The following MTA3 variants were observed in gnomAD, a reference collection of about 807,000 sequenced individuals.
The protein encoded by MTA3 is metastasis associated 1 family member 3.
Under a neutral mutation model 83.5 loss-of-function variants are expected in MTA3, and 34 were observed. That is an observed-to-expected ratio of 0.41 (90% confidence interval 0.31 to 0.54). MTA3 has a LOEUF of 0.54. MTA3 is among the 20% of genes least tolerant of loss of function. The pLI, the probability that MTA3 is intolerant of heterozygous loss-of-function variation, is 0.33. For missense variants in MTA3, 761 were observed against 726.4 expected (o/e 1.05, Z -0.55); for synonymous variants, 303 against 252.7 (o/e 1.20, Z -1.89).
At chr2:42,543,954 G>C (rs1002570101) in intron 2 of MTA3, among the ~76,000 whole-genome samples, 5 of 152,044 alleles carry the variant, frequency 3.3e-5, no homozygotes, top group Non-Finnish European at 7.4e-5. Flanking sequence ...GAAACAGGAA[G>C]ATAGCCGAGC....
intron 2 of MTA3, among the ~76,000 whole-genome samples, chr2:42,522,343 T>C (rs1164969803): frequency 1.3e-5 from 2 of 152,044 alleles, no homozygotes; most frequent in South Asian, 2.1e-4. Flanking sequence ...CCTGGGAGGG[T>C]AGGGGCAGGT....
intron 2 of MTA3, among the ~76,000 whole-genome samples, chr2:42,524,474 T>G (rs368369175): frequency 1.3e-3 from 128 of 96,874 alleles, no homozygotes; most frequent in Non-Finnish European, 1.9e-3. Flanking sequence ...CTAGTTGTGT[T>G]TTTTTTTTTT....
At chr2:42,710,318 C>G (rs1553392793) in intron 14 of MTA3, among the ~76,000 whole-genome samples, 1 of 151,868 alleles carries the variant, frequency 6.6e-6, no homozygotes, top group African/African-American at 2.4e-5. Flanking sequence ...TTTGGGAGGC[C>G]GAGGTGGGTG....
intron 2 of MTA3, among the ~76,000 whole-genome samples, chr2:42,550,899 G>T (rs1027884355): frequency 6.6e-6 from 1 of 151,626 alleles, no homozygotes; most frequent in Non-Finnish European, 1.5e-5. Context: ...AAAATTAGCC[G>T]GGCATGGTGG....
intron 2 of MTA3, among the ~76,000 whole-genome samples, chr2:42,516,081 A>AT (rs1014103316): frequency 1.3e-5 from 2 of 150,896 alleles, no homozygotes; most frequent in African/African-American, 4.9e-5. Context: ...CGCCCAGCTG[A>AT]TTTTTTTGTA....
At chr2:42,725,252 T>C (rs1260224163) in intron 16 of MTA3, among the ~76,000 whole-genome samples, 1 of 152,222 alleles carries the variant, frequency 6.6e-6, no homozygotes, top group Non-Finnish European at 1.5e-5. Context: ...GTTGTATAAA[T>C]GAAGGTGATT....
In MTA3 at chr2:42,695,752, T is replaced by G; in HGVS notation, c.892-13T>G. 1 of 1,522,800 alleles carries G rather than the reference T, an allele frequency of 6.6e-7. No homozygotes were observed. The highest frequency in any genetic ancestry group is 1.3e-5 in the South Asian group (1 of 79,970). The allele number at this position is 1,522,800 out of a possible 1,614,324, so 94.3% of individuals were successfully genotyped here. A position where few individuals can be genotyped will look rare whatever the true frequency, so the allele number is the denominator to read the frequency against. On this transcript the variant is annotated splice_polypyrimidine_tract_variant and intron_variant, in intron 9 of 16. Coordinates refer to ENST00000405094, the MANE Select transcript of MTA3 (RefSeq NM_001330442.2). ...GTTAACATAGATGATAGGTTGATTTTTTTTTTTTTCAGCTTCCTTGGAAAT... is the reference window on the plus strand; with the variant it reads ...GTTAACATAGATGATAGGTTGATTTGTTTTTTTTTCAGCTTCCTTGGAAAT...
At chr2:42,521,075 G>A (rs1274603096) in intron 2 of MTA3, among the ~76,000 whole-genome samples, 2 of 152,198 alleles carry the variant, frequency 1.3e-5, no homozygotes, top group African/African-American at 4.8e-5. Context: ...CCCTTGAGTG[G>A]GGATTGGACC....
At chr2:42,592,500 C>T (rs1416082556) in intron 3 of MTA3, among the ~76,000 whole-genome samples, 1 of 152,054 alleles carries the variant, frequency 6.6e-6, no homozygotes, top group East Asian at 1.9e-4. Flanking sequence ...AGGAGTATTG[C>T]TTGAGCCTGG....
At chr2:42,702,446 T>G (rs766607870) in intron 11 of MTA3, 5 of 152,174 alleles carry the variant, frequency 3.3e-5, no homozygotes, top group Admixed American at 2.0e-4. Flanking sequence ...CCAGACCAAC[T>G]TTACAAACCA....
chr2:42,606,343 C>A (rs1273852417), intron 3 of MTA3, among the ~76,000 whole-genome samples: 2 of 137,442 alleles, frequency 1.5e-5, no homozygotes, highest in Non-Finnish European at 3.1e-5. Context: ...ACCTCTCAGA[C>A]GGGGCAGCTG....
At chr2:42,570,846 AC>A (rs1348343915) in intron 2 of MTA3, among the ~76,000 whole-genome samples, 2 of 151,904 alleles carry the variant, frequency 1.3e-5, no homozygotes, top group African/African-American at 4.8e-5. Flanking sequence ...CCCCGTCTGT[AC>A]TAAAAATACA....
chr2:42,598,226 C>T (rs1682083994), intron 3 of MTA3, among the ~76,000 whole-genome samples: 1 of 152,044 alleles, frequency 6.6e-6, no homozygotes, highest in South Asian at 2.1e-4. Flanking sequence ...CCACCACACC[C>T]AGCTAATTTT....
chr2:42,647,174 A>AAAAAAAAC (rs1688290405), intron 6 of MTA3, among the ~76,000 whole-genome samples: 1 of 151,012 alleles, frequency 6.6e-6, no homozygotes, highest in South Asian at 2.1e-4. Flanking sequence ...AAAACAAAAA[A>AAAAAAAAC]GAAAGGAAGT....
chr2:42,749,239 C>T (rs561538066), intron 16 of MTA3, among the ~76,000 whole-genome samples: 3 of 152,326 alleles, frequency 2.0e-5, no homozygotes, highest in African/African-American at 7.2e-5. Flanking sequence ...CTGCCTCAAG[C>T]TCTGACCTCT....
At chr2:42,555,485 G>A (rs559640116) in intron 2 of MTA3, among the ~76,000 whole-genome samples, 1 of 149,138 alleles carries the variant, frequency 6.7e-6, no homozygotes, top group South Asian at 2.2e-4. Context: ...AAAGAGCCGG[G>A]CGCAGTGGCT....
Position 42,542,501 on chromosome 2 carries a change from G to C in MTA3, c.-140-27936G>C, listed in dbSNP as rs1309216171. ...ACCGTCACACGTACACCCCTTGTTA[G>C]CTTAAACCCTTACACATCTCCTGAA... is the stretch of plus-strand genomic sequence containing the variant. On this transcript the variant is annotated intron_variant, in intron 2 of 17. Transcript: ENST00000405592. 2.0e-5 allele frequency among the ~76,000 whole-genome samples: 3 copies of C among 152,174 alleles called. No homozygotes were observed. The East Asian group carries it at 5.8e-4, about 29-fold the overall frequency.
chr2:42,502,201 G>T (rs1674427886), intron 2 of MTA3, among the ~76,000 whole-genome samples: 1 of 152,116 alleles, frequency 6.6e-6, no homozygotes, highest in African/African-American at 2.4e-5. Context: ...TTCCTGATTT[G>T]CAATTGATTA....
chr2:42,542,645 G>A (rs940936508), intron 2 of MTA3, among the ~76,000 whole-genome samples: 12 of 152,050 alleles, frequency 7.9e-5, no homozygotes, highest in African/African-American at 2.7e-4. Context: ...TCCACCTCCC[G>A]GGTTCAAGCA....
Sources: gnomAD v4.1 joint callset for allele counts (sites outside exome capture counted in the v4.1 genomes callset) on GRCh38, gnomAD v4.1.1 for gene constraint, MANE v1.5 for transcripts, NCBI Gene and HGNC (gene_info 2026-07-23, HGNC 2026-07-21) for gene names.